CDH4: variants seen among roughly 807,000 people sequenced by gnomAD.
The protein encoded by CDH4 is cadherin-4.
In CDH4, 33 loss-of-function variants were observed where a neutral mutation model predicts 86.0. The observed-to-expected ratio is 0.38, with a 90% CI of 0.29 to 0.51. The LOEUF is 0.51. Among genes scored for constraint, CDH4 ranks in the 20% least tolerant of loss-of-function variants. The pLI, the probability that CDH4 is intolerant of heterozygous loss-of-function variation, is 0.86. For missense variants in CDH4, 1,114 were observed against 1,307.4 expected, an observed-to-expected ratio of 0.85 and a Z score of 2.28; for synonymous variants, 555 against 549.4, an observed-to-expected ratio of 1.01 and a Z score of -0.14.
chr20:61,906,933 G>T (rs1012978969), intron 8 of CDH4, among the ~76,000 whole-genome samples: 1 of 152,114 alleles, frequency 6.6e-6, no homozygotes, highest in East Asian at 1.9e-4. Context: ...GATCTCCGGG[G>T]TCAGGGGAGC....
chr20:61,680,665 A>C (rs547281517), intron 2 of CDH4, among the ~76,000 whole-genome samples: 2 of 152,222 alleles, frequency 1.3e-5, no homozygotes, highest in Non-Finnish European at 2.9e-5. Flanking sequence ...GGATTTTCAG[A>C]GCTTCGGTAG....
chr20:61,412,431 T>C (rs1231485952), intron 2 of CDH4, among the ~76,000 whole-genome samples: 5 of 152,184 alleles, frequency 3.3e-5, no homozygotes, highest in Non-Finnish European at 7.3e-5. Context: ...TGCCGGAGGT[T>C]ACATTTATCA....
chr20:61,338,267 G>C (rs1449217900), intron 2 of CDH4, among the ~76,000 whole-genome samples: 1 of 151,906 alleles, frequency 6.6e-6, no homozygotes, highest in African/African-American at 2.4e-5. Context: ...ACTTTAACTT[G>C]GGAGATTGGG....
chr20:61,864,326 C>T (rs931536522), intron 6 of CDH4, among the ~76,000 whole-genome samples: 2 of 152,248 alleles, frequency 1.3e-5, no homozygotes, highest in Non-Finnish European at 2.9e-5. Flanking sequence ...TTTGGCACAG[C>T]AGCCCAGGAG....
intron 2 of CDH4, among the ~76,000 whole-genome samples, chr20:61,677,040 C>T (rs1351980441): frequency 3.9e-5 from 6 of 152,168 alleles, no homozygotes; most frequent in African/African-American, 7.2e-5. Flanking sequence ...AGGACAGGTG[C>T]AGTAGGTCCT....
At chr20:61,718,114 A>G (rs551403680) in intron 2 of CDH4, 1 of 152,782 alleles carries the variant, frequency 6.5e-6, no homozygotes, top group Admixed American at 6.5e-5. Flanking sequence ...CAGAGAAGGC[A>G]AGGGAGCACC....
intron 2 of CDH4, chr20:61,738,865 C>T (rs760163506): frequency 2.0e-5 from 3 of 151,928 alleles, no homozygotes; most frequent in Non-Finnish European, 4.4e-5. Flanking sequence ...TGAAACGTCC[C>T]TGAGGCTCAG....
At position 61,335,459 on chromosome 20, in the gene CDH4, C is replaced by T. The variant is rs372440478; in HGVS notation, c.169+80522C>T. On this transcript the variant is annotated intron_variant, in intron 2 of 15. Coordinates refer to ENST00000614565, the MANE Select transcript of CDH4 (RefSeq NM_001794.5). The stretch of plus-strand genomic sequence containing the variant: ...GCATCTGGCTTGGGTTCCTGCTAGC[C>T]AGTTACTCAGTGGGGCCTTCCAGGG... Among the ~76,000 whole-genome samples the T allele has an allele frequency of 6.0e-4, 92 of 152,298 alleles. 2 individuals carry two copies. In the South Asian group the frequency reaches 0.018, roughly 30 times the overall value.
chr20:61,495,167 C>T (rs914872031), intron 2 of CDH4, among the ~76,000 whole-genome samples: 6 of 152,242 alleles, frequency 3.9e-5, no homozygotes, highest in Non-Finnish European at 8.8e-5. Flanking sequence ...CAGAAGGCGG[C>T]GGTGGCCTCG....
rs2086792813 is a variant in CDH4, at chr20:61,623,052, CGGGGA to C, written c.170-120508_170-120504del. Among the ~76,000 whole-genome samples the C allele has an allele frequency of 6.6e-6, 1 of 152,124 alleles. No individual in the cohort carries two copies. Among genetic ancestry groups the C allele is most frequent in the Non-Finnish European group, 1.5e-5 (1 of 68,020 alleles). On this transcript the variant is annotated intron_variant, in intron 2 of 15. Coordinates refer to ENST00000614565, the MANE Select transcript of CDH4 (RefSeq NM_001794.5). The surrounding 1 kb of genome is among the most constrained non-coding windows in gnomAD (Gnocchi z 4.4). ...CATTTAAGACAGTCAGGGAAACAAA[CGGGGA>C]GGTGCCTTAGAGGCAAAGCTTCATT...
chr20:61,331,151 G>C (rs567019611), intron 2 of CDH4, among the ~76,000 whole-genome samples: 1 of 152,062 alleles, frequency 6.6e-6, no homozygotes, highest in Admixed American at 6.5e-5. Context: ...GGGGCTCGGC[G>C]TCTCTGTCCC....
rs1274998077 is a variant in CDH4, at chr20:61,517,409, G to A, written c.170-226154G>A. Among the ~76,000 whole-genome samples the A allele has an allele frequency of 6.6e-6, 1 of 152,100 alleles. No homozygotes were observed. The highest frequency in any genetic ancestry group is 1.5e-5 in the Non-Finnish European group (1 of 68,022). On this transcript the variant is annotated intron_variant, in intron 2 of 15. Coordinates refer to ENST00000614565, the MANE Select transcript of CDH4 (RefSeq NM_001794.5). The surrounding 1 kb of genome is among the most constrained non-coding windows in gnomAD (Gnocchi z 6.6). ...AAGGTCTCGCCGTGTTTCCCAGGCTGGTCTCAAGTGCCTGGCCTCAAGCAA... is the reference window on the plus strand; with the variant it reads ...AAGGTCTCGCCGTGTTTCCCAGGCTAGTCTCAAGTGCCTGGCCTCAAGCAA...
At chr20:61,685,830 T>C (rs1351316185) in intron 2 of CDH4, among the ~76,000 whole-genome samples, 2 of 152,230 alleles carry the variant, frequency 1.3e-5, no homozygotes, top group Non-Finnish European at 1.5e-5. Context: ...ACACACTTGA[T>C]TCAAAACCTT....
At chr20:61,659,340 C>T (rs1275279122) in intron 2 of CDH4, among the ~76,000 whole-genome samples, 1 of 152,158 alleles carries the variant, frequency 6.6e-6, no homozygotes, top group Non-Finnish European at 1.5e-5. Flanking sequence ...TTATAGAATG[C>T]TCATTTAAAA....
At chr20:61,520,807 T>C (rs887722281) in intron 2 of CDH4, among the ~76,000 whole-genome samples, 2 of 152,162 alleles carry the variant, frequency 1.3e-5, no homozygotes, top group East Asian at 3.9e-4. Flanking sequence ...TGAAGGAGCT[T>C]CAGTCTTGTT....
At chr20:61,750,977 G>A (rs1394256838) in intron 3 of CDH4, among the ~76,000 whole-genome samples, 1 of 152,160 alleles carries the variant, frequency 6.6e-6, no homozygotes, top group Non-Finnish European at 1.5e-5. Flanking sequence ...TAAAAATGGA[G>A]GGATATGCTG....
At chr20:61,486,104 C>T (rs764908802) in intron 2 of CDH4, among the ~76,000 whole-genome samples, 2 of 152,208 alleles carry the variant, frequency 1.3e-5, no homozygotes, top group Non-Finnish European at 2.9e-5. Context: ...CAGGATATCA[C>T]GAGCCCAAAA....
At chr20:61,520,348 C>A (rs1306392195) in intron 2 of CDH4, among the ~76,000 whole-genome samples, 1 of 152,210 alleles carries the variant, frequency 6.6e-6, no homozygotes. Flanking sequence ...GGCTCCAGAA[C>A]CACACCCTTG....
chr20:61,293,281 G>A (rs6093087), intron 2 of CDH4, among the ~76,000 whole-genome samples: 8,783 of 152,252 alleles, frequency 0.058, 813 homozygotes, highest in African/African-American at 0.2. Context: ...GAGGGTGGAT[G>A]AGAGTGGTCT....
Sources: gnomAD v4.1 joint callset for allele counts (sites outside exome capture counted in the v4.1 genomes callset) on GRCh38, gnomAD v4.1.1 for gene constraint, Gnocchi (gnomAD v3.1) non-coding constraint, MANE v1.5 for transcripts, NCBI Gene and HGNC (gene_info 2026-07-23, HGNC 2026-07-21) for gene names.